Variants in LRP8 observed in about 807,000 individuals in gnomAD.
The protein encoded by LRP8 is LDL receptor related protein 8, also known as low-density lipoprotein receptor-related protein 8.
LRP8 carries 46 observed loss-of-function variants against 111.6 expected under a neutral mutation model. The observed-to-expected ratio is 0.41, with a 90% CI of 0.33 to 0.53. The LOEUF is 0.53. Ranked by LOEUF, LRP8 falls within the 20% of genes least tolerant of loss-of-function variation. The probability of loss-of-function intolerance (pLI) is 0.20; values close to 1 mark genes in which losing one functional copy is unlikely to be tolerated. For synonymous variants in LRP8, 464 were observed against 511.2 expected (o/e 0.91, Z 1.24); for missense variants, 959 against 1,297.4 (o/e 0.74, Z 4.01).
chr1:53,327,055 C>T (rs1419439740), intron 1 of LRP8, 63 bp from the exon 2 acceptor site: 1 of 1,582,330 alleles, frequency 6.3e-7, no homozygotes, highest in Non-Finnish European at 8.6e-7. Flanking sequence ...ACCATGCAGT[C>T]CGGGCCACCC....
At chr1:53,267,818 GT>G (rs1646630813) in intron 8 of LRP8, 1 of 152,236 alleles carries the variant, frequency 6.6e-6, no homozygotes, top group African/African-American at 2.4e-5. Flanking sequence ...CCCACAGGCT[GT>G]TTCTAGATGT....
chr1:53,257,369 T>C lies in LRP8; in HGVS notation c.2305A>G (p.Thr769Ala). The C allele has an allele frequency of 6.2e-7, 1 of 1,614,124 alleles. No individual in the cohort carries two copies. Among genetic ancestry groups the C allele is most frequent in the Admixed American group, 1.7e-5 (1 of 60,012 alleles). The change falls in exon 15 of 19, where the codon ACC becomes GCC. Residue 769 changes from threonine to alanine, a missense_variant. Around this residue, in one of 3 missense-constraint regions of LRP8, gnomAD observed 819 missense variants for 1,097.6 expected, o/e 0.75. Coordinates refer to ENST00000306052, the MANE Select transcript of LRP8 (RefSeq NM_004631.5). ...GTCTCTGTGCTGTGGTTCTGGTAGG[T>C]GGATCTGTGGACGGTGGTCCCGGGG... The part of the protein sequence containing the change: ...RAPGTTVHRS[T>A]YQNHSTETPS...
intron 2 of LRP8, among the ~76,000 whole-genome samples, chr1:53,301,875 G>A (rs1650967492): frequency 1.3e-5 from 2 of 152,160 alleles, no homozygotes; most frequent in African/African-American, 4.8e-5. Context: ...GCCAAACTGA[G>A]GAAAGGAGAA....
At chr1:53,248,196 A>T (rs1412046414) in intron 18 of LRP8, among the ~76,000 whole-genome samples, 1 of 152,238 alleles carries the variant, frequency 6.6e-6, no homozygotes, top group Non-Finnish European at 1.5e-5. Flanking sequence ...ATCTCTGGAC[A>T]TTCTACATAT....
intron 3 of LRP8, among the ~76,000 whole-genome samples, chr1:53,284,737 C>T (rs963562093): frequency 2.6e-5 from 4 of 152,196 alleles, no homozygotes; most frequent in Non-Finnish European, 5.9e-5. Flanking sequence ...AAATAGACAG[C>T]TCTAATTATA....
chr1:53,273,960 A>G (rs1436106575), intron 6 of LRP8, among the ~76,000 whole-genome samples: 1 of 142,748 alleles, frequency 7.0e-6, no homozygotes, highest in Non-Finnish European at 1.6e-5. Context: ...TAACCTGGGA[A>G]CAGTAAAAAC....
Position 53,290,479 on chromosome 1 carries a change from GC to G in LRP8, c.245-791del, listed in dbSNP as rs1294799201. On this transcript the variant is annotated intron_variant, in intron 2 of 18. Transcript: ENST00000306052. ...GCACATGGCAGATGCTGGAGAAGTG[GC>G]AGCTACTGTTGTTTTCAGGGTTTGA... Among the ~76,000 whole-genome samples the G allele has an allele frequency of 4.6e-4, 70 of 152,312 alleles. 1 individual carries two copies. Among genetic ancestry groups the G allele is most frequent in the Admixed American group, 4.0e-3 (61 of 15,294 alleles).
At chr1:53,323,611 G>C (rs1360420310) in intron 2 of LRP8, among the ~76,000 whole-genome samples, 1 of 152,230 alleles carries the variant, frequency 6.6e-6, no homozygotes, top group African/African-American at 2.4e-5. Context: ...CACTTTGAAG[G>C]TTCTTTGAGC....
In LRP8 at chr1:53,321,211, T is replaced by C. The variant is rs532941305; in HGVS notation, c.244+5662A>G. 3.3e-5 allele frequency among the ~76,000 whole-genome samples: 5 copies of C among 152,286 alleles called. No homozygotes were observed. The South Asian group carries it at 1.0e-3, about 32-fold the overall frequency. On this transcript the variant is annotated intron_variant, in intron 2 of 18. Transcript: ENST00000306052. ...AACTGCGGGAAGAAAAAGGACACGTTGTGGGAGCTCAGGGCCTGAGGGGCT... is the reference window on the plus strand; with the variant it reads ...AACTGCGGGAAGAAAAAGGACACGTCGTGGGAGCTCAGGGCCTGAGGGGCT...
chr1:53,265,364 A>G (rs1184342577), intron 9 of LRP8, among the ~76,000 whole-genome samples: 2 of 152,124 alleles, frequency 1.3e-5, no homozygotes, highest in African/African-American at 2.4e-5. Context: ...CTTGAACTCA[A>G]TATGTCCAAA....
At chr1:53,289,745 G>A (rs1648302945) in intron 2 of LRP8, 56 bp from the exon 3 acceptor site, 1 of 1,601,294 alleles carries the variant, frequency 6.2e-7, no homozygotes, top group Non-Finnish European at 8.5e-7. Context: ...AGGGTGGTGG[G>A]CCGACCAGGA....
intron 2 of LRP8, among the ~76,000 whole-genome samples, chr1:53,323,799 A>G (rs116287138): frequency 0.012 from 1,845 of 152,304 alleles, 42 homozygotes; most frequent in African/African-American, 0.043. Context: ...TCACCTCTCC[A>G]AGCCTATGTC....
intron 15 of LRP8, among the ~76,000 whole-genome samples, chr1:53,256,186 T>TA (rs1646080704): frequency 1.3e-5 from 2 of 152,322 alleles, no homozygotes; most frequent in East Asian, 3.9e-4. Flanking sequence ...TTGCTGCAGG[T>TA]GAGATGACTG....
chr1:53,272,276 G>A (rs1646782531), intron 6 of LRP8, among the ~76,000 whole-genome samples: 1 of 152,136 alleles, frequency 6.6e-6, no homozygotes. Context: ...AGGTCATCTG[G>A]TTCTGGTTCC....
In LRP8 at chr1:53,243,629, C is replaced by G. The variant is rs1645679711; in HGVS notation, c.*3389G>C. On this transcript the variant is annotated 3_prime_UTR_variant, in exon 19 of 19. Transcript: ENST00000306052. ...TCCATACAGCCTCATTTCTTGCCCC[C>G]CTTGAGCCTTTTGTTCCTGTTAGAA... 6.6e-6 allele frequency: 1 copy of G among 152,206 alleles called. No individual in the cohort carries two copies. The highest frequency in any genetic ancestry group is 6.5e-5 in the Admixed American group (1 of 15,284). The allele number at this position is 152,206 out of a possible 1,614,324, so 9.4% of individuals were successfully genotyped here. A position where few individuals can be genotyped will look rare whatever the true frequency, so the allele number is the denominator to read the frequency against.
At position 53,266,746 on chromosome 1, in the gene LRP8, T is replaced by C; in HGVS notation, c.1253-99A>G. 1 of 1,094,892 alleles carries C rather than the reference T, an allele frequency of 9.1e-7. No homozygotes were observed. Among genetic ancestry groups the C allele is most frequent in the South Asian group, 1.4e-5 (1 of 72,792 alleles). The allele number at this position is 1,094,892 out of a possible 1,614,324, so 67.8% of individuals were successfully genotyped here. The stretch of plus-strand genomic sequence containing the variant: ...CTGGCTTGCTGGCTGACACATCCAT[T>C]TTCCTTAAAATAGTAGTGACAATTC... On this transcript the variant is annotated intron_variant, in intron 8 of 18. Transcript: ENST00000306052. This position sits in a 1 kb window ranked among gnomAD's most constrained non-coding sequence, Gnocchi z 5.0.
chr1:53,297,500 G>A (rs1014290781), intron 2 of LRP8, among the ~76,000 whole-genome samples: 1 of 152,166 alleles, frequency 6.6e-6, no homozygotes. Flanking sequence ...GGGCTCTGGG[G>A]CTCAAGCCAC....
chr1:53,255,218 C>G, intron 15 of LRP8, 33 bp from the exon 16 acceptor site: 2 of 1,601,880 alleles, frequency 1.2e-6, no homozygotes, highest in African/African-American at 2.7e-5. Context: ...GAATGATGCT[C>G]TATCACTGTG....
chr1:53,283,522 C>CACTT (rs1360271709), intron 3 of LRP8, among the ~76,000 whole-genome samples: 29 of 89,408 alleles, frequency 3.2e-4, no homozygotes, highest in East Asian at 2.5e-3. Flanking sequence ...ATACCCGGGC[C>CACTT]ACTTACTTAC....
Sources: gnomAD v4.1 joint callset for allele counts (sites outside exome capture counted in the v4.1 genomes callset) on GRCh38, gnomAD v4.1.1 for gene constraint, gnomAD v4.1.1 regional missense constraint, Gnocchi (gnomAD v3.1) non-coding constraint, MANE v1.5 for transcripts, NCBI Gene and HGNC (gene_info 2026-07-23, HGNC 2026-07-21) for gene names.